PAPOLG: variants seen among roughly 807,000 people sequenced by gnomAD.
PAPOLG encodes the protein poly(A) polymerase gamma, also known as PAP-gamma.
A neutral mutation model predicts 99.0 loss-of-function variants in PAPOLG; 40 were observed. The ratio of observed to expected loss-of-function variants is 0.40; its 90% confidence interval spans 0.31 to 0.53. The LOEUF (loss-of-function observed/expected upper bound fraction) is 0.53. PAPOLG is among the 20% of genes least tolerant of loss of function. PAPOLG has a pLI of 0.41. For synonymous variants in PAPOLG, 310 were observed against 299.3 expected, an observed-to-expected ratio of 1.04 and a Z score of -0.37; for missense variants, 675 against 884.1, an observed-to-expected ratio of 0.76 and a Z score of 3.00.
At chr2:60,794,473 G>A in intron 19 of PAPOLG, 1 of 562,316 alleles carries the variant, frequency 1.8e-6, no homozygotes, top group Non-Finnish European at 3.1e-6. Context: ...TCCAGTAGGT[G>A]GTGGTAAAAC....
rs529802086 is a variant in PAPOLG at position 60,790,102 on chromosome 2, G to A, written c.1397-1659G>A. On this transcript the variant is annotated intron_variant, in intron 15 of 21. Coordinates refer to ENST00000238714, the MANE Select transcript of PAPOLG (RefSeq NM_022894.4). The stretch of plus-strand genomic sequence containing the variant: ...AGAGCGAAACTCCATCTCAAAAAAA[G>A]AAAAGAAAATGCAGATTCTTATGTT... 6.6e-4 allele frequency among the ~76,000 whole-genome samples: 101 copies of A among 152,174 alleles called. 1 individual carries two copies. Among genetic ancestry groups the A allele is most frequent in the African/African-American group, 2.1e-3 (89 of 41,540 alleles).
chr2:60,792,911 C>T (rs935156661), intron 17 of PAPOLG, among the ~76,000 whole-genome samples: 11 of 152,152 alleles, frequency 7.2e-5, no homozygotes, highest in African/African-American at 2.7e-4. Context: ...TGGCATGTGC[C>T]TGTATTCCCA....
chr2:60,796,477 C>T (rs1671704151), intron 21 of PAPOLG, among the ~76,000 whole-genome samples: 1 of 151,838 alleles, frequency 6.6e-6, no homozygotes, highest in African/African-American at 2.4e-5. Flanking sequence ...CTTTAATGCC[C>T]TCAGAATCCC....
intron 1 of PAPOLG, among the ~76,000 whole-genome samples, chr2:60,758,457 C>T (rs140511933): frequency 0.014 from 1,585 of 115,602 alleles, 18 homozygotes; most frequent in East Asian, 0.044. Flanking sequence ...GACGGAGTTT[C>T]GCTCTTGTTG....
chr2:60,761,092 T>C (rs1369418079), intron 2 of PAPOLG, among the ~76,000 whole-genome samples: 1 of 151,550 alleles, frequency 6.6e-6, no homozygotes, highest in Non-Finnish European at 1.5e-5. Flanking sequence ...GTGTGAGGGG[T>C]CAAGGATGAT....
At chr2:60,788,091 T>C (rs995217081) in intron 15 of PAPOLG, among the ~76,000 whole-genome samples, 4 of 151,376 alleles carry the variant, frequency 2.6e-5, no homozygotes, top group South Asian at 4.2e-4. Context: ...TTCCAAGATA[T>C]ATTAAGTGGG....
At position 60,797,343 on chromosome 2, in the gene PAPOLG, C is replaced by G. The variant is rs1490267620; in HGVS notation, c.*183C>G. ...TGACCTGTAGATGCTGTAGCATTCT[C>G]TCACTGATTGCTACATACACTTCTC... On this transcript the variant is annotated 3_prime_UTR_variant, in exon 22 of 22. Transcript: ENST00000238714. 2 of 665,178 alleles carry G rather than the reference C, an allele frequency of 3.0e-6. No individual in the cohort carries two copies. Among genetic ancestry groups the G allele is most frequent in the East Asian group, 2.8e-5 (1 of 36,348 alleles). 41.2% of individuals were successfully genotyped at this position (665,178 alleles called of 1,614,324 possible).
Position 60,782,653 on chromosome 2 carries a change from CTTTTTTTTTTTTTTTT to C in PAPOLG, c.1028-23_1028-8del. Reference sequence around the variant, plus strand: ...GTCCCTTTTCAAAATCATTCTTCTTCTTTTTTTTTTTTTTTTTTTTTTTTTAATTTAGGTCTTGCAG... The same window carrying C: ...GTCCCTTTTCAAAATCATTCTTCTTCTTTTTTTTTAATTTAGGTCTTGCAG... On this transcript the variant is annotated splice_polypyrimidine_tract_variant and intron_variant, in intron 11 of 21. Transcript: ENST00000238714. 9.4e-7 allele frequency: 1 copy of C among 1,063,764 alleles called. No individual in the cohort carries two copies. Among genetic ancestry groups the C allele is most frequent in the Non-Finnish European group, 1.2e-6 (1 of 853,750 alleles). The allele number at this position is 1,063,764 out of a possible 1,614,324, so 65.9% of individuals were successfully genotyped here. A position where few individuals can be genotyped will look rare whatever the true frequency, so the allele number is the denominator to read the frequency against.
Position 60,792,148 on chromosome 2 carries a change from A to G in PAPOLG, c.1538A>G (p.Asn513Ser), listed in dbSNP as rs138135157. The G allele has an allele frequency of 5.7e-5, 91 of 1,588,594 alleles. No homozygotes were observed. The Middle Eastern group carries it at 1.3e-3, about 23-fold the overall frequency. Residue 513 changes from asparagine (N) to serine (S), a missense_variant, in exon 17 of 22, where the codon AAT becomes AGT. Asn to Ser is a conservative substitution (Grantham distance 46, BLOSUM62 1). Transcript: ENST00000238714. Reference sequence around the variant, plus strand: ...TTTCAGCAAAGTCTCTCTGATGTCAATCGAAGCTCGGGCGGACTTCAATCC... The same window carrying G: ...TTTCAGCAAAGTCTCTCTGATGTCAGTCGAAGCTCGGGCGGACTTCAATCC... ...KKKKQSLSDVNRSSGGLQSKR... is the reference protein window; with the variant it reads ...KKKKQSLSDVSRSSGGLQSKR...
At chr2:60,784,544 C>T (rs989168739) in intron 13 of PAPOLG, among the ~76,000 whole-genome samples, 1 of 152,096 alleles carries the variant, frequency 6.6e-6, no homozygotes, top group African/African-American at 2.4e-5. Flanking sequence ...GGTCTGACTT[C>T]TGGAAAAGCA....
intron 3 of PAPOLG, among the ~76,000 whole-genome samples, chr2:60,766,165 C>A (rs192225450): frequency 6.6e-6 from 1 of 152,196 alleles, no homozygotes; most frequent in East Asian, 1.9e-4. Flanking sequence ...GTTCTTAACT[C>A]TGAGAAATGT....
In PAPOLG at chr2:60,756,447, A is replaced by G; in HGVS notation, c.-32A>G. 6.2e-7 allele frequency: 1 copy of G among 1,613,110 alleles called. No homozygotes were observed. Among genetic ancestry groups the G allele is most frequent in the Non-Finnish European group, 8.5e-7 (1 of 1,179,664 alleles). ...GCAAGAACAGGACTCCAGAGCGATA[A>G]ACACTCGCTGGAGAGGGAGACGCAG... On this transcript the variant is annotated 5_prime_UTR_variant, in exon 1 of 22. Coordinates refer to ENST00000238714, the MANE Select transcript of PAPOLG (RefSeq NM_022894.4).
In PAPOLG at chr2:60,793,711, C is replaced by T. The variant is rs75467191; in HGVS notation, c.1764C>T (p.Gly588=). ...AAGGACTTTCCATTCCAGTGATTGG[C>T]GCAAGTAGGTATCTAAACTTGTATA... ...PAQGLSIPVI[G]AKVDSTVKTV... The change falls in exon 18 of 22, where the codon GGC becomes GGT. Residue 588 remains glycine, a synonymous_variant. Coordinates refer to ENST00000238714, the MANE Select transcript of PAPOLG (RefSeq NM_022894.4). The T allele has an allele frequency of 1.3e-3, 2,062 of 1,612,534 alleles. 23 individuals are homozygous for T. The African/African-American group carries it at 0.024, about 19-fold the overall frequency.
rs569565325 is a variant in PAPOLG, at chr2:60,783,028, TTC to T, written c.1113-127_1113-126del. ...TGTGAAAATCAGAGCACATTTAATT[TTC>T]ATAAACTGTGTGCCTTTATTAGCTC... is the stretch of plus-strand genomic sequence containing the variant. On this transcript the variant is annotated intron_variant, in intron 12 of 21. Coordinates refer to ENST00000238714, the MANE Select transcript of PAPOLG (RefSeq NM_022894.4). The T allele has an allele frequency of 1.3e-5, 12 of 944,924 alleles. No homozygotes were observed. In the Admixed American group the frequency reaches 3.3e-4, roughly 26 times the overall value. The allele number at this position is 944,924 out of a possible 1,614,324, so 58.5% of individuals were successfully genotyped here.
In PAPOLG at chr2:60,764,617, G is replaced by A. The variant is rs1057433407; in HGVS notation, c.246+2810G>A. On this transcript the variant is annotated intron_variant, in intron 3 of 21. Transcript: ENST00000238714. ...ATTTTTGTATTTTTGATAGAGACGG[G>A]GTTTTGCCATGTTGGCCAGGCTGAT... 3.3e-5 allele frequency among the ~76,000 whole-genome samples: 5 copies of A among 151,860 alleles called. No homozygotes were observed. In the East Asian group the frequency reaches 5.8e-4, roughly 18 times the overall value.
Position 60,785,339 on chromosome 2 carries a change from A to G in PAPOLG, c.1167-1608A>G, listed in dbSNP as rs563963404. Reference sequence around the variant, plus strand: ...TTTTTAGTAGAGACGGGGTTTCACCATGTTAGCCAGGATGGTCTCAATCTC... The same window carrying G: ...TTTTTAGTAGAGACGGGGTTTCACCGTGTTAGCCAGGATGGTCTCAATCTC... On this transcript the variant is annotated intron_variant, in intron 13 of 21. Coordinates refer to ENST00000238714, the MANE Select transcript of PAPOLG (RefSeq NM_022894.4). 6.9e-4 allele frequency among the ~76,000 whole-genome samples: 105 copies of G among 152,102 alleles called. 1 individual carries two copies. In the South Asian group the frequency reaches 0.02, roughly 29 times the overall value.
In PAPOLG at chr2:60,794,775, G is replaced by T; in HGVS notation, c.2055G>T (p.Val685=). Residue 685 remains valine, a splice_region_variant and synonymous_variant, in exon 20 of 22, where the codon GTG becomes GTT. Coordinates refer to ENST00000238714, the MANE Select transcript of PAPOLG (RefSeq NM_022894.4). ...RTAEERKRKS[V]DAIGGESMPI... Reference sequence around the variant, plus strand: ...CTGAAGAAAGAAAAAGAAAATCAGTGGTAAATATATTAATAGTGTGCTTCA... The same window carrying T: ...CTGAAGAAAGAAAAAGAAAATCAGTTGTAAATATATTAATAGTGTGCTTCA... 6.3e-7 allele frequency: 1 copy of T among 1,599,460 alleles called. No homozygotes were observed. Among genetic ancestry groups the T allele is most frequent in the South Asian group, 1.1e-5 (1 of 90,684 alleles).
Position 60,793,618 on chromosome 2 carries a change from TTTCA to T in PAPOLG, c.1680-6_1680-3del. Reference sequence around the variant, plus strand: ...TCATTTATTGATGATAATTTAACACTTTCATTAGGAATAGTGCTGAGCCTGCTGC... The same window carrying T: ...TCATTTATTGATGATAATTTAACACTTTAGGAATAGTGCTGAGCCTGCTGC... On this transcript the variant is annotated splice_region_variant and splice_polypyrimidine_tract_variant and intron_variant, in intron 17 of 21. Coordinates refer to ENST00000238714, the MANE Select transcript of PAPOLG (RefSeq NM_022894.4). 2 of 1,612,710 alleles carry T rather than the reference TTTCA, an allele frequency of 1.2e-6. No individual in the cohort carries two copies. Among genetic ancestry groups the T allele is most frequent in the South Asian group, 2.2e-5 (2 of 90,774 alleles).
chr2:60,786,630 G>GT (rs1671370633), intron 13 of PAPOLG, among the ~76,000 whole-genome samples: 3 of 152,068 alleles, frequency 2.0e-5, no homozygotes, highest in Admixed American at 6.6e-5. Context: ...CCAGTTTCAC[G>GT]TGATTCTCCT....
Sources: allele counts gnomAD v4.1 joint callset (sites outside exome capture counted in the v4.1 genomes callset), GRCh38; gene constraint gnomAD v4.1.1; transcripts MANE v1.5; gene names NCBI Gene and HGNC (gene_info 2026-07-23, HGNC 2026-07-21).